The following TDRD5 variants were observed in gnomAD, a reference collection of about 807,000 sequenced individuals.
TDRD5 encodes tudor domain containing 5.
A neutral mutation model predicts 120.6 loss-of-function variants in TDRD5; 41 were observed. That is an observed-to-expected ratio of 0.34 (90% CI 0.26 to 0.44). The LOEUF (loss-of-function observed/expected upper bound fraction) is 0.44, where lower values mean the gene tolerates loss of function less well. Among genes scored for constraint, TDRD5 ranks in the 20% least tolerant of loss-of-function variants. The pLI is 1.00. For synonymous variants in TDRD5, 430 were observed against 433.7 expected, an observed-to-expected ratio of 0.99 and a Z score of 0.11; for missense variants, 1,006 against 1,221.2, an observed-to-expected ratio of 0.82 and a Z score of 2.63.
In TDRD5 at chr1:179,687,255, T is replaced by C. The variant is rs1458599122; in HGVS notation, c.2861-3441T>C. ...CTGGTATGTTGTGTCTTTGTTCTCA[T>C]TGGTTTCAAAGAACATCTTTATTTC... On this transcript the variant is annotated intron_variant, in intron 17 of 17. Transcript: ENST00000444136. Among the ~76,000 whole-genome samples, 5 of 152,240 alleles carry C rather than the reference T, an allele frequency of 3.3e-5. No individual in the cohort carries two copies. The South Asian group carries it at 6.2e-4, about 19-fold the overall frequency.
intron 5 of TDRD5, among the ~76,000 whole-genome samples, chr1:179,619,818 G>A (rs1676753090): frequency 6.6e-6 from 1 of 151,978 alleles, no homozygotes; most frequent in Non-Finnish European, 1.5e-5. Flanking sequence ...ACAGGGTCTT[G>A]CTCTGTTGCC....
intron 4 of TDRD5, among the ~76,000 whole-genome samples, chr1:179,604,755 A>G (rs1229674699): frequency 6.6e-6 from 1 of 152,006 alleles, no homozygotes; most frequent in Non-Finnish European, 1.5e-5. Flanking sequence ...ATATAATTTC[A>G]ATTTTCTTAA....
chr1:179,664,595 A>T (rs1679470298), intron 16 of TDRD5, among the ~76,000 whole-genome samples: 1 of 152,136 alleles, frequency 6.6e-6, no homozygotes, highest in African/African-American at 2.4e-5. Flanking sequence ...TAGCATTAAT[A>T]ATGTCTTCAA....
chr1:179,643,173 C>T (rs1678145541), intron 11 of TDRD5, among the ~76,000 whole-genome samples: 1 of 152,134 alleles, frequency 6.6e-6, no homozygotes, highest in Non-Finnish European at 1.5e-5. Context: ...ATTTCTGTTG[C>T]TACAGACTGC....
At chr1:179,651,347 C>T (rs987827222) in intron 12 of TDRD5, among the ~76,000 whole-genome samples, 2 of 151,978 alleles carry the variant, frequency 1.3e-5, no homozygotes, top group Non-Finnish European at 1.5e-5. Context: ...ACCTGTAATC[C>T]CAGCTACTTG....
At chr1:179,646,683 A>T (rs1182636870) in intron 11 of TDRD5, among the ~76,000 whole-genome samples, 1 of 152,178 alleles carries the variant, frequency 6.6e-6, no homozygotes, top group Admixed American at 6.5e-5. Flanking sequence ...TGCAGATGAC[A>T]TGATAGTATA....
intron 6 of TDRD5, among the ~76,000 whole-genome samples, chr1:179,625,232 T>A (rs1677060842): frequency 6.6e-6 from 1 of 151,862 alleles, no homozygotes; most frequent in Non-Finnish European, 1.5e-5. Context: ...GGTCTAAAAC[T>A]TCCAGGTGAA....
chr1:179,603,546 T>C (rs1372397876), intron 4 of TDRD5, among the ~76,000 whole-genome samples: 1 of 152,176 alleles, frequency 6.6e-6, no homozygotes, highest in Non-Finnish European at 1.5e-5. Context: ...TTGAGCTATG[T>C]CCCTTGTGTA....
chr1:179,596,708 C>A (rs562349815), intron 4 of TDRD5, among the ~76,000 whole-genome samples: 1 of 152,272 alleles, frequency 6.6e-6, no homozygotes, highest in African/African-American at 2.4e-5. Flanking sequence ...ATTTGTTATA[C>A]CTTCCCCATT....
chr1:179,647,373 G>A (rs1287831137), intron 11 of TDRD5, among the ~76,000 whole-genome samples: 1 of 151,110 alleles, frequency 6.6e-6, no homozygotes, highest in Non-Finnish European at 1.5e-5. Context: ...TTTAATAAAT[G>A]GTGCTGGGAA....
chr1:179,622,114 A>C (rs1328420401), intron 6 of TDRD5, among the ~76,000 whole-genome samples: 1 of 152,226 alleles, frequency 6.6e-6, no homozygotes, highest in African/African-American at 2.4e-5. Context: ...AATGACTTAA[A>C]AATAAGGCAC....
At chr1:179,626,066 G>C (rs1677110379) in intron 6 of TDRD5, among the ~76,000 whole-genome samples, 1 of 152,080 alleles carries the variant, frequency 6.6e-6, no homozygotes, top group Non-Finnish European at 1.5e-5. Context: ...GCCTGTTGTG[G>C]GGTGGGGCAG....
At chr1:179,622,660 A>G (rs1676901742) in intron 6 of TDRD5, among the ~76,000 whole-genome samples, 1 of 152,184 alleles carries the variant, frequency 6.6e-6, no homozygotes, top group Non-Finnish European at 1.5e-5. Flanking sequence ...CAAATTGGAA[A>G]TGGCAGAAGA....
chr1:179,646,861 G>A (rs1311689555), intron 11 of TDRD5, among the ~76,000 whole-genome samples: 3 of 151,816 alleles, frequency 2.0e-5, no homozygotes, highest in East Asian at 1.9e-4. Flanking sequence ...TTGCTTCAAA[G>A]AGAATAAAAT....
intron 14 of TDRD5, among the ~76,000 whole-genome samples, chr1:179,656,382 G>A (rs1679008571): frequency 6.6e-6 from 1 of 152,126 alleles, no homozygotes; most frequent in African/African-American, 2.4e-5. Context: ...CTTGTAGCTT[G>A]TCTTTTCATT....
intron 2 of TDRD5, 99 bp from the exon 3 acceptor site, chr1:179,593,361 G>C: frequency 7.6e-7 from 1 of 1,308,842 alleles, no homozygotes; most frequent in Non-Finnish European, 1.0e-6. Flanking sequence ...TGGATAAACA[G>C]CTCCTTGGAG....
chr1:179,689,039 A>G (rs4652439), intron 17 of TDRD5, among the ~76,000 whole-genome samples: 53,672 of 152,080 alleles, frequency 0.35, 9,521 homozygotes, highest in Admixed American at 0.42. Context: ...ATCTGAAGCC[A>G]TCTTCTCTCA....
At chr1:179,657,707 G>T (rs1194863382) in intron 14 of TDRD5, among the ~76,000 whole-genome samples, 1 of 151,928 alleles carries the variant, frequency 6.6e-6, no homozygotes, top group Admixed American at 6.6e-5. Flanking sequence ...TTTGTTGTTT[G>T]TGTGGATCTT....
Position 179,651,047 on chromosome 1 carries a change from C to T in TDRD5, c.1981C>T (p.Arg661Ter), listed in dbSNP as rs768183823. ...AACAGAGGGCCATGCTATTGTATGC[C>T]GAGAAAATATCTCTTCTAAGGTGGA... ...LRTEGHAIVC[R>*]ENISSKGFSE... The change falls in exon 12 of 18, where the codon CGA becomes TGA. Residue 661 changes from arginine to a stop codon, truncating the protein, a stop_gained. Coordinates refer to ENST00000444136, the MANE Select transcript of TDRD5 (RefSeq NM_001199085.3). LOFTEE classifies it high-confidence loss of function. 3.1e-6 allele frequency: 5 copies of T among 1,613,766 alleles called. No individual in the cohort carries two copies. Among genetic ancestry groups the T allele is most frequent in the Admixed American group, 1.7e-5 (1 of 59,994 alleles).
Sources: gnomAD v4.1 joint callset for allele counts (sites outside exome capture counted in the v4.1 genomes callset) on GRCh38, gnomAD v4.1.1 for gene constraint, MANE v1.5 for transcripts, NCBI Gene and HGNC (gene_info 2026-07-23, HGNC 2026-07-21) for gene names.